The following LRMDA variants were observed in gnomAD, a reference collection of about 807,000 sequenced individuals.
LRMDA encodes leucine-rich melanocyte differentiation-associated protein.
A neutral mutation model predicts 29.8 loss-of-function variants in LRMDA; 18 were observed. The observed-to-expected ratio is 0.60, with a 90% CI of 0.42 to 0.90. The LOEUF is 0.90. Ranked by LOEUF, LRMDA falls within the 40% of genes least tolerant of loss-of-function variation. The probability of loss-of-function intolerance (pLI) is 0.00; values close to 1 mark genes in which losing one functional copy is unlikely to be tolerated. For synonymous variants in LRMDA, 125 were observed against 109.4 expected (o/e 1.14, Z -0.89); for missense variants, 273 against 273.9 (o/e 1.00, Z 0.02).
intron 2 of LRMDA, among the ~76,000 whole-genome samples, chr10:75,757,798 CTT>C (rs139801931): frequency 6.4e-5 from 9 of 139,992 alleles, no homozygotes; most frequent in Admixed American, 7.2e-5. Flanking sequence ...AATTTTCTTT[CTT>C]TTTTTTTTTT....
chr10:76,517,596 G>A (rs968625556), intron 6 of LRMDA, among the ~76,000 whole-genome samples: 10 of 151,914 alleles, frequency 6.6e-5, no homozygotes, highest in Non-Finnish European at 1.2e-4. Flanking sequence ...TTCTAAAGCA[G>A]GTACATGAGA....
chr10:75,475,544 G>T (rs1039160684), intron 2 of LRMDA, among the ~76,000 whole-genome samples: 1 of 152,190 alleles, frequency 6.6e-6, no homozygotes, highest in South Asian at 2.1e-4. Flanking sequence ...TAAAGAAACC[G>T]GTGAAGGGCT....
chr10:76,035,159 C>T (rs1848219759), intron 2 of LRMDA, among the ~76,000 whole-genome samples: 1 of 150,992 alleles, frequency 6.6e-6, no homozygotes, highest in African/African-American at 2.4e-5. Flanking sequence ...TATTTACTGC[C>T]TCAACATCTA....
chr10:76,235,752 A>T (rs2132277661), intron 5 of LRMDA, among the ~76,000 whole-genome samples: 4 of 152,336 alleles, frequency 2.6e-5, no homozygotes, highest in Admixed American at 2.6e-4. Context: ...AGATGGGGTT[A>T]GAAACTGTAT....
intron 2 of LRMDA, among the ~76,000 whole-genome samples, chr10:75,818,377 A>G (rs1290326207): frequency 6.6e-6 from 1 of 152,020 alleles, no homozygotes; most frequent in Middle Eastern, 3.2e-3. Flanking sequence ...TACACTGGGA[A>G]CTCTGCAGTA....
chr10:75,542,426 C>G (rs147433455), intron 2 of LRMDA, among the ~76,000 whole-genome samples: 37 of 152,192 alleles, frequency 2.4e-4, no homozygotes, highest in African/African-American at 8.9e-4. Flanking sequence ...TTCCAGCCAT[C>G]CTGTTTAGCA....
At chr10:75,504,952 C>G (rs1318981161) in intron 2 of LRMDA, among the ~76,000 whole-genome samples, 1 of 152,042 alleles carries the variant, frequency 6.6e-6, no homozygotes, top group African/African-American at 2.4e-5. Context: ...GTAGGTAGAT[C>G]ATGTCATCCT....
intron 5 of LRMDA, among the ~76,000 whole-genome samples, chr10:76,299,603 C>CTTTTT (rs34214231): frequency 1.0e-5 from 1 of 99,506 alleles, no homozygotes; most frequent in African/African-American, 4.7e-5. Flanking sequence ...CCCTTCCTTT[C>CTTTTT]TTTTTTTTTT....
intron 5 of LRMDA, among the ~76,000 whole-genome samples, chr10:76,062,287 A>G (rs7094369): frequency 0.027 from 4,097 of 152,240 alleles, 194 homozygotes; most frequent in African/African-American, 0.093. Context: ...AGCTATTTTC[A>G]TTTTATTCCT....
At chr10:76,114,961 G>A (rs79342517) in intron 5 of LRMDA, among the ~76,000 whole-genome samples, 1,943 of 152,206 alleles carry the variant, frequency 0.013, 43 homozygotes, top group African/African-American at 0.044. Context: ...TCACATCCTC[G>A]GTATTTTTGG....
intron 2 of LRMDA, among the ~76,000 whole-genome samples, chr10:75,639,848 G>A (rs188699998): frequency 1.1e-4 from 16 of 152,340 alleles, no homozygotes; most frequent in Admixed American, 8.5e-4. Flanking sequence ...GGCTGCGCTC[G>A]GAGAGCGGAC....
intron 2 of LRMDA, among the ~76,000 whole-genome samples, chr10:75,799,680 TTGTGTGTGTG>T (rs57575125): frequency 0.023 from 3,190 of 136,186 alleles, 106 homozygotes; most frequent in East Asian, 0.14. Flanking sequence ...ATTCCTAGCT[TTGTGTGTGTG>T]TGTGTGTGTG....
chr10:75,627,292 A>C (rs1841263273), intron 2 of LRMDA, among the ~76,000 whole-genome samples: 2 of 152,204 alleles, frequency 1.3e-5, no homozygotes, highest in Admixed American at 1.3e-4. Context: ...CCAAGGGTTG[A>C]ATTTCCTGAA....
At chr10:76,287,453 T>C (rs1465024534) in intron 5 of LRMDA, among the ~76,000 whole-genome samples, 4 of 152,126 alleles carry the variant, frequency 2.6e-5, no homozygotes, top group African/African-American at 7.2e-5. Context: ...CTATTCATTA[T>C]TGGTTTATTT....
intron 6 of LRMDA, among the ~76,000 whole-genome samples, chr10:76,378,858 C>CTTTTTTTTTTTTTTTTTTTTTT (rs144037195): frequency 1.2e-4 from 14 of 118,962 alleles, no homozygotes; most frequent in Non-Finnish European, 1.8e-4. Flanking sequence ...CTTTTTTTTT[C>CTTTTTTTTTTTTTTTTTTTTTT]TTTTTTTTTT....
chr10:75,447,309 TATA>T (rs1844406974), intron 2 of LRMDA, among the ~76,000 whole-genome samples: 2 of 152,100 alleles, frequency 1.3e-5, no homozygotes, highest in African/African-American at 2.4e-5. Context: ...GTGGGTGATG[TATA>T]ATGTCTCAGT....
chr10:75,781,257 C>T (rs1843379396), intron 2 of LRMDA, among the ~76,000 whole-genome samples: 1 of 152,144 alleles, frequency 6.6e-6, no homozygotes, highest in Non-Finnish European at 1.5e-5. Context: ...TTTTCATTCA[C>T]CTCTTTGTCC....
At chr10:76,102,987 A>T (rs1222465551) in intron 5 of LRMDA, among the ~76,000 whole-genome samples, 1 of 152,126 alleles carries the variant, frequency 6.6e-6, no homozygotes, top group African/African-American at 2.4e-5. Flanking sequence ...TCTTTAGGGT[A>T]TATACCTGGG....
intron 2 of LRMDA, among the ~76,000 whole-genome samples, chr10:75,516,375 T>C (rs567949162): frequency 3.4e-4 from 52 of 152,358 alleles, no homozygotes; most frequent in Admixed American, 9.1e-4. Flanking sequence ...TGTGGTTTCC[T>C]GACTTTTTAA....
Sources: gnomAD v4.1 joint callset for allele counts (sites outside exome capture counted in the v4.1 genomes callset) on GRCh38, gnomAD v4.1.1 for gene constraint, MANE v1.5 for transcripts, NCBI Gene and HGNC (gene_info 2026-07-23, HGNC 2026-07-21) for gene names.